The following HMGXB4 variants were observed in gnomAD, a reference collection of about 807,000 sequenced individuals.
HMGXB4 encodes HMG domain-containing protein 4.
A neutral mutation model predicts 63.9 loss-of-function variants in HMGXB4; 27 were observed. That is an observed-to-expected ratio of 0.42 (90% CI 0.31 to 0.58). The LOEUF (loss-of-function observed/expected upper bound fraction) is 0.58, where lower values mean the gene tolerates loss of function less well. Ranked by LOEUF, HMGXB4 falls within the 20% of genes least tolerant of loss-of-function variation. The probability of loss-of-function intolerance (pLI) is 0.13; values close to 1 mark genes in which losing one functional copy is unlikely to be tolerated. For missense variants in HMGXB4, 624 were observed against 700.7 expected (o/e 0.89, Z 1.24); for synonymous variants, 264 against 265.3 (o/e 0.99, Z 0.05).
intron 9 of HMGXB4, among the ~76,000 whole-genome samples, chr22:35,292,684 C>G (rs1315289721): frequency 6.6e-6 from 1 of 152,120 alleles, no homozygotes; most frequent in Non-Finnish European, 1.5e-5. Context: ...ACCAACAGCT[C>G]TCCAGAGTAG....
At chr22:35,241,730 G>C in the HMGXB4 span, among the ~76,000 whole-genome samples, 2 of 152,188 alleles carry the variant, frequency 1.3e-5, no homozygotes, top group Non-Finnish European at 2.9e-5. Flanking sequence ...GGAGAGGGGG[G>C]TCTCCCTTTC....
chr22:35,246,464 G>A, the HMGXB4 span, among the ~76,000 whole-genome samples: 18 of 152,074 alleles, frequency 1.2e-4, no homozygotes, highest in African/African-American at 4.1e-4. Flanking sequence ...TAGTAGAGGC[G>A]GGGTTTCACC....
chr22:35,263,244 A>C lies in HMGXB4; in HGVS notation c.180+18A>C. 1 of 1,595,322 alleles carries C rather than the reference A, an allele frequency of 6.3e-7. No individual in the cohort carries two copies. Among genetic ancestry groups the C allele is most frequent in the Non-Finnish European group, 8.5e-7 (1 of 1,172,758 alleles). On this transcript the variant is annotated intron_variant, in intron 3 of 10. Transcript: ENST00000216106. ...AGTTGAAGGTAAGTCCTGAAAATTT[A>C]AATTAGGAAAGTCTTAAACTACTCA...
chr22:35,257,831 CGGCCGCCCCGGGGGCCTGCGGACCCG>C (rs1416231507), intron 1 of HMGXB4, among the ~76,000 whole-genome samples: 1 of 151,960 alleles, frequency 6.6e-6, no homozygotes, highest in Non-Finnish European at 1.5e-5. Flanking sequence ...AGGGGGCGTG[CGGCCGCCCCGGGGGCCTGCGGACCCG>C]GGCCGCCCCT....
In HMGXB4 at chr22:35,279,359, G is replaced by A. The variant is rs187709323; in HGVS notation, c.1216-4603G>A. Among the ~76,000 whole-genome samples, 9 of 151,910 alleles carry A rather than the reference G, an allele frequency of 5.9e-5. No individual in the cohort carries two copies. The East Asian group carries it at 1.4e-3, about 23-fold the overall frequency. On this transcript the variant is annotated intron_variant, in intron 5 of 10. Coordinates refer to ENST00000216106, the MANE Select transcript of HMGXB4 (RefSeq NM_001003681.3). ...GACAGGGTTTCTCCATGTTGGTCTC[G>A]AACTCCCGACCTCAGATGATCCGCC... is the stretch of plus-strand genomic sequence containing the variant.
At chr22:35,291,414 T>TAAC in intron 9 of HMGXB4, among the ~76,000 whole-genome samples, 1 of 152,180 alleles carries the variant, frequency 6.6e-6, no homozygotes, top group African/African-American at 2.4e-5. Context: ...ACAGGGGTTT[T>TAAC]TACAGTGGAA....
chr22:35,258,679 T>C (rs1466485432), intron 1 of HMGXB4: 4 of 152,290 alleles, frequency 2.6e-5, no homozygotes, highest in African/African-American at 9.7e-5. Flanking sequence ...TGGACGAAGT[T>C]GAGAAGGCAT....
upstream of HMGXB4, among the ~76,000 whole-genome samples, chr22:35,256,197 GC>G (rs1922393683): frequency 6.6e-6 from 1 of 152,156 alleles, no homozygotes; most frequent in African/African-American, 2.4e-5. Flanking sequence ...AAATCACCTT[GC>G]TTTTATTGGT....
chr22:35,265,343 A>G lies in HMGXB4; in HGVS notation c.955A>G (p.Lys319Glu), dbSNP rs762914579. 2.5e-6 allele frequency: 4 copies of G among 1,614,058 alleles called. No homozygotes were observed. The highest frequency in any genetic ancestry group is 1.1e-5 in the South Asian group (1 of 91,070). ...IDDSYREIKK[K>E]KKSKKSKKKK... The stretch of plus-strand genomic sequence containing the variant: ...TGATTCTTACCGAGAAATCAAGAAG[A>G]AAAAGAAGTCAAAGAAGAGCAAAAA... Residue 319 changes from lysine to glutamate, a missense_variant, in exon 5 of 11, where the codon AAA becomes GAA. Lys to Glu is a moderately conservative substitution (Grantham distance 56). Transcript: ENST00000216106.
chr22:35,253,073 A>G (rs1922252349), upstream of HMGXB4, among the ~76,000 whole-genome samples: 1 of 148,822 alleles, frequency 6.7e-6, no homozygotes, highest in Non-Finnish European at 1.5e-5. Flanking sequence ...CGGAGGTTGC[A>G]GTGAGCCGAG....
chr22:35,255,718 A>G (rs1245789442), upstream of HMGXB4, among the ~76,000 whole-genome samples: 1 of 152,264 alleles, frequency 6.6e-6, no homozygotes, highest in Admixed American at 6.5e-5. Context: ...ATGTGAGCCA[A>G]TAAATTCCCC....
intron 1 of HMGXB4, among the ~76,000 whole-genome samples, chr22:35,261,282 A>G (rs1922832324): frequency 6.6e-6 from 1 of 152,014 alleles, no homozygotes; most frequent in Non-Finnish European, 1.5e-5. Context: ...CTAAAAATAC[A>G]AAAATTAGCC....
At chr22:35,247,272 A>C in the HMGXB4 span, among the ~76,000 whole-genome samples, 1 of 151,832 alleles carries the variant, frequency 6.6e-6, no homozygotes, top group African/African-American at 2.4e-5. Context: ...AGAGGCCTTT[A>C]CTCTAGGGCT....
At chr22:35,292,652 T>G (rs1166791194) in intron 9 of HMGXB4, among the ~76,000 whole-genome samples, 1 of 152,226 alleles carries the variant, frequency 6.6e-6, no homozygotes, top group African/African-American at 2.4e-5. Flanking sequence ...AGATATACTT[T>G]GCATACATAA....
intron 5 of HMGXB4, among the ~76,000 whole-genome samples, chr22:35,280,050 C>T (rs1924150940): frequency 6.6e-6 from 1 of 152,064 alleles, no homozygotes; most frequent in Non-Finnish European, 1.5e-5. Context: ...CTTTTTTGTG[C>T]TCACCTGCTA....
Position 35,262,417 on chromosome 22 carries a change from A to G in HMGXB4, c.27A>G (p.Lys9=), listed in dbSNP as rs557661197. The change falls in exon 2 of 11, where the codon AAA becomes AAG. Residue 9 remains lysine, a synonymous_variant. Transcript: ENST00000216106. ...TGGCTTATGATGACTCCGTGAAGAA[A>G]GAAGGTATGACCCCATAATCTGAGA... The part of the protein sequence containing the change: MAYDDSVK[K]EDCFDGDHTF... The G allele has an allele frequency of 7.4e-6, 12 of 1,613,850 alleles. No individual in the cohort carries two copies. The highest frequency in any genetic ancestry group is 1.0e-5 in the Non-Finnish European group (12 of 1,179,798).
Position 35,293,643 on chromosome 22 carries a change from G to C in HMGXB4, c.1798G>C (p.Gly600Arg). ...TLDNIAYIMP[G>R]L is the part of the protein sequence containing the mutation. ...AGACAACATTGCTTACATCATGCCGGGACTGTGACAGCAAAGAATCCTGGG... is the reference window on the plus strand; with the variant it reads ...AGACAACATTGCTTACATCATGCCGCGACTGTGACAGCAAAGAATCCTGGG... The change falls in exon 11 of 11, where the codon GGA becomes CGA. Residue 600 changes from glycine (G) to arginine (R), a missense_variant. Gly to Arg is a moderately radical substitution (Grantham distance 125, BLOSUM62 -2). Transcript: ENST00000216106. 6.2e-7 allele frequency: 1 copy of C among 1,610,686 alleles called. No homozygotes were observed. The highest frequency in any genetic ancestry group is 8.5e-7 in the Non-Finnish European group (1 of 1,177,006).
chr22:35,278,351 A>G (rs991166367), intron 5 of HMGXB4, among the ~76,000 whole-genome samples: 4 of 152,064 alleles, frequency 2.6e-5, no homozygotes, highest in Non-Finnish European at 2.9e-5. Context: ...TCAGTTTTCA[A>G]CTCCTTTGGG....
chr22:35,292,187 T>G (rs780368218), intron 9 of HMGXB4, among the ~76,000 whole-genome samples: 24 of 152,182 alleles, frequency 1.6e-4, no homozygotes, highest in Non-Finnish European at 2.9e-5. Flanking sequence ...TAACCATGTA[T>G]TAAGCACCAT....
Sources: gnomAD v4.1 joint callset for allele counts (sites outside exome capture counted in the v4.1 genomes callset) on GRCh38, gnomAD v4.1.1 for gene constraint, MANE v1.5 for transcripts, NCBI Gene and HGNC (gene_info 2026-07-23, HGNC 2026-07-21) for gene names.